The following RBM19 variants were observed in gnomAD, a reference collection of about 807,000 sequenced individuals.
The protein encoded by RBM19 is probable RNA-binding protein 19.
Under a neutral mutation model 116.8 loss-of-function variants are expected in RBM19, and 94 were observed. That is an observed-to-expected ratio of 0.80 (90% CI 0.68 to 0.95). The LOEUF (loss-of-function observed/expected upper bound fraction) is 0.95, where lower values mean the gene tolerates loss of function less well. Ranked by LOEUF, RBM19 falls within the 40% of genes least tolerant of loss-of-function variation. RBM19 has a pLI of 0.00. For missense variants in RBM19, 1,161 were observed against 1,220.7 expected, an observed-to-expected ratio of 0.95 and a Z score of 0.73; for synonymous variants, 475 against 494.1, an observed-to-expected ratio of 0.96 and a Z score of 0.51.
Position 113,946,122 on chromosome 12 carries a change from A to G in RBM19, c.1530-198T>C, listed in dbSNP as rs139130487. On this transcript the variant is annotated intron_variant, in intron 12 of 23. Coordinates refer to ENST00000261741, the MANE Select transcript of RBM19 (RefSeq NM_016196.4). ...CAGGAACCATCCCTAACAGTGCTTCATCTGTGTCAGGGACTAAGAACTTCA... is the reference window on the plus strand; with the variant it reads ...CAGGAACCATCCCTAACAGTGCTTCGTCTGTGTCAGGGACTAAGAACTTCA... Among the ~76,000 whole-genome samples the G allele has an allele frequency of 1.0e-3, 152 of 152,354 alleles. 1 individual carries two copies. The highest frequency in any genetic ancestry group is 3.4e-3 in the African/African-American group (143 of 41,590).
chr12:113,835,707 G>A (rs542096717), intron 23 of RBM19, among the ~76,000 whole-genome samples: 39 of 152,168 alleles, frequency 2.6e-4, no homozygotes, highest in African/African-American at 8.7e-4. Flanking sequence ...TAGATCTCCC[G>A]CCCCAGCCCA....
intron 21 of RBM19, among the ~76,000 whole-genome samples, chr12:113,894,405 A>C (rs1881179947): frequency 6.6e-6 from 1 of 152,226 alleles, no homozygotes; most frequent in Non-Finnish European, 1.5e-5. Flanking sequence ...CAGCCTGAGA[A>C]ATAACAGGCT....
In RBM19 at chr12:113,944,826, T is replaced by C. The variant is rs1198080593; in HGVS notation, c.1626+1002A>G. On this transcript the variant is annotated intron_variant, in intron 13 of 23. Coordinates refer to ENST00000261741, the MANE Select transcript of RBM19 (RefSeq NM_016196.4). Reference sequence around the variant, plus strand: ...AAAAAAAATTATATATACATGTGTATATATGTATATGAATGTGTATATATA... The same window carrying C: ...AAAAAAAATTATATATACATGTGTACATATGTATATGAATGTGTATATATA... Among the ~76,000 whole-genome samples the C allele has an allele frequency of 5.0e-5, 7 of 140,762 alleles. No individual in the cohort carries two copies. The East Asian group carries it at 1.3e-3, about 26-fold the overall frequency. 92.3% of individuals were successfully genotyped at this position (140,762 alleles called of 152,430 possible). A position where few individuals can be genotyped will look rare whatever the true frequency, so the allele number is the denominator to read the frequency against.
intron 16 of RBM19, among the ~76,000 whole-genome samples, chr12:113,931,603 T>G (rs895362867): frequency 2.0e-5 from 3 of 152,162 alleles, no homozygotes; most frequent in African/African-American, 4.8e-5. Context: ...CTTCCCTGAC[T>G]TCATCCCTCA....
intron 21 of RBM19, among the ~76,000 whole-genome samples, chr12:113,877,428 G>T (rs1037352755): frequency 2.6e-5 from 4 of 152,214 alleles, no homozygotes; most frequent in African/African-American, 9.7e-5. Flanking sequence ...CCCATGAGGT[G>T]TGAGCAGAGG....
At chr12:113,858,268 T>C (rs1263737380) in intron 22 of RBM19, among the ~76,000 whole-genome samples, 1 of 152,262 alleles carries the variant, frequency 6.6e-6, no homozygotes, top group Non-Finnish European at 1.5e-5. Context: ...GATTTCGGTA[T>C]GCACGCTTGC....
chr12:113,881,015 A>C (rs961693673), intron 21 of RBM19, among the ~76,000 whole-genome samples: 1 of 152,180 alleles, frequency 6.6e-6, no homozygotes, highest in Non-Finnish European at 1.5e-5. Context: ...TGTGAACATC[A>C]GTACCCACAT....
At chr12:113,906,193 C>T (rs968672692) in intron 21 of RBM19, among the ~76,000 whole-genome samples, 3 of 152,162 alleles carry the variant, frequency 2.0e-5, no homozygotes, top group African/African-American at 7.2e-5. Context: ...TTGAAATAGC[C>T]CAAACCCTGC....
chr12:113,910,840 G>C (rs1024533368), intron 21 of RBM19, among the ~76,000 whole-genome samples: 1 of 152,136 alleles, frequency 6.6e-6, no homozygotes, highest in Non-Finnish European at 1.5e-5. Flanking sequence ...TCCACCAAAC[G>C]CTTGAGCTCT....
At chr12:113,882,661 C>T (rs1412734809) in intron 21 of RBM19, among the ~76,000 whole-genome samples, 1 of 152,156 alleles carries the variant, frequency 6.6e-6, no homozygotes, top group Non-Finnish European at 1.5e-5. Flanking sequence ...GAAGCGGGGC[C>T]CATGCCGAGC....
At chr12:113,940,293 A>C (rs369721138) in intron 14 of RBM19, 133 bp from the exon 15 acceptor site, 3 of 906,720 alleles carry the variant, frequency 3.3e-6, no homozygotes, top group South Asian at 3.3e-5. Context: ...CTTAGGAGGA[A>C]GACCCAGGAG....
downstream of RBM19, among the ~76,000 whole-genome samples, chr12:113,821,643 G>T (rs959972071): frequency 6.6e-6 from 1 of 152,204 alleles, no homozygotes; most frequent in Non-Finnish European, 1.5e-5. Context: ...GTGGCTGGGC[G>T]TGATGGCTCA....
At chr12:113,873,071 C>G (rs1363430810) in intron 21 of RBM19, among the ~76,000 whole-genome samples, 11 of 128,780 alleles carry the variant, frequency 8.5e-5, no homozygotes, top group African/African-American at 3.0e-4. Flanking sequence ...GGTCAGCCCC[C>G]CGCCCGGCCA....
intron 1 of RBM19, among the ~76,000 whole-genome samples, chr12:113,962,942 T>C (rs1872624598): frequency 6.6e-6 from 1 of 152,128 alleles, no homozygotes; most frequent in African/African-American, 2.4e-5. Context: ...AGGTCCAATG[T>C]CACCTCAAGG....
intron 21 of RBM19, among the ~76,000 whole-genome samples, chr12:113,872,056 C>A (rs1322350924): frequency 5.6e-4 from 81 of 144,896 alleles, no homozygotes; most frequent in East Asian, 4.0e-3. Flanking sequence ...CTCCGCCCAG[C>A]CGCCATCCCA....
chr12:113,847,368 CTCTT>C (rs1216566711), intron 22 of RBM19, among the ~76,000 whole-genome samples: 1 of 151,946 alleles, frequency 6.6e-6, no homozygotes, highest in Admixed American at 6.6e-5. Context: ...ATTTAAAAAA[CTCTT>C]TCTGACTGCC....
At chr12:113,948,750 G>T in intron 10 of RBM19, 83 bp downstream of exon 10, 1 of 1,404,870 alleles carries the variant, frequency 7.1e-7, no homozygotes, top group Non-Finnish European at 9.9e-7. Context: ...TGTGCACACT[G>T]GGACTTGAAC....
At chr12:113,835,895 T>A (rs1875834711) in intron 23 of RBM19, among the ~76,000 whole-genome samples, 1 of 152,238 alleles carries the variant, frequency 6.6e-6, no homozygotes, top group Admixed American at 6.5e-5. Flanking sequence ...AATAAAAGCC[T>A]GTTTGCCCAG....
At chr12:113,909,722 C>T (rs1224192393) in intron 21 of RBM19, among the ~76,000 whole-genome samples, 1 of 152,092 alleles carries the variant, frequency 6.6e-6, no homozygotes, top group African/African-American at 2.4e-5. Context: ...TAAGCGTGAG[C>T]CACCCAAGCC....
Sources: allele counts gnomAD v4.1 joint callset (sites outside exome capture counted in the v4.1 genomes callset), GRCh38; gene constraint gnomAD v4.1.1; transcripts MANE v1.5; gene names NCBI Gene and HGNC (gene_info 2026-07-23, HGNC 2026-07-21).